The following CHLSN variants were observed in gnomAD, a reference collection of about 807,000 sequenced individuals.
CHLSN encodes cholesin, also known as protein cholesin.
the CHLSN span, among the ~76,000 whole-genome samples, chr7:1,136,983 C>T: frequency 1.3e-5 from 2 of 152,182 alleles, no homozygotes; most frequent in African/African-American, 4.8e-5. Flanking sequence ...CAAGCCACCA[C>T]CTCTCACGAT....
chr7:1,047,154 C>G, the CHLSN span, among the ~76,000 whole-genome samples: 2 of 152,366 alleles, frequency 1.3e-5, no homozygotes, highest in Non-Finnish European at 2.9e-5. Context: ...CAAAAGAATG[C>G]TGTTCCACCT....
chr7:1,055,539 T>G, the CHLSN span: 1 of 434,328 alleles, frequency 2.3e-6, no homozygotes, highest in Non-Finnish European at 4.6e-6. Context: ...CTCTGTGCAG[T>G]ACAGGCAGGA....
the CHLSN span, among the ~76,000 whole-genome samples, chr7:1,018,577 T>G: frequency 6.6e-6 from 1 of 150,864 alleles, no homozygotes; most frequent in South Asian, 2.1e-4. Context: ...CCAGCTGAGG[T>G]GTGCACGCGG....
chr7:986,338 G>C, the CHLSN span: 1 of 492,620 alleles, frequency 2.0e-6, no homozygotes, highest in African/African-American at 2.0e-5. Context: ...GAGGTTCAAG[G>C]TTACTTCCAC....
At chr7:1,014,619 C>G in the CHLSN span, among the ~76,000 whole-genome samples, 1 of 152,272 alleles carries the variant, frequency 6.6e-6, no homozygotes, top group Non-Finnish European at 1.5e-5. Context: ...TTTAAGCCAA[C>G]AGGAAACGTG....
At chr7:1,053,155 C>CG in the CHLSN span, among the ~76,000 whole-genome samples, 24 of 149,412 alleles carry the variant, frequency 1.6e-4, 1 homozygote, top group East Asian at 4.6e-3. Flanking sequence ...AAGGAAGTCT[C>CG]TGGGCACAGA....
chr7:1,041,628 C>T, the CHLSN span, among the ~76,000 whole-genome samples: 2 of 152,206 alleles, frequency 1.3e-5, no homozygotes, highest in African/African-American at 2.4e-5. Context: ...TTATAATCAA[C>T]AGGCCACAAA....
the CHLSN span, chr7:1,045,604 C>G: frequency 6.6e-6 from 1 of 152,198 alleles, no homozygotes; most frequent in Non-Finnish European, 1.5e-5. Context: ...ACTGGGGCAC[C>G]GTTGAGAGTG....
chr7:1,049,631 GC>G, the CHLSN span, among the ~76,000 whole-genome samples: 3 of 152,086 alleles, frequency 2.0e-5, no homozygotes, highest in Non-Finnish European at 2.9e-5. Flanking sequence ...ACTAATCCAG[GC>G]CCCTGCAGAC....
the CHLSN span, among the ~76,000 whole-genome samples, chr7:985,630 G>A: frequency 6.6e-6 from 1 of 152,164 alleles, no homozygotes; most frequent in Non-Finnish European, 1.5e-5. Context: ...ATTGCGGGGG[G>A]CTCCATGTCT....
chr7:1,013,267 G>A, the CHLSN span, among the ~76,000 whole-genome samples: 1 of 152,258 alleles, frequency 6.6e-6, no homozygotes, highest in African/African-American at 2.4e-5. Context: ...AAATAAGAAC[G>A]TGGGTTTAAT....
At chr7:1,092,740 T>C in the CHLSN span, 1 of 1,613,620 alleles carries the variant, frequency 6.2e-7, no homozygotes, top group Non-Finnish European at 8.5e-7. Context: ...GCTGAGGCTG[T>C]ACATTGAGCA....
the CHLSN span, among the ~76,000 whole-genome samples, chr7:1,089,602 T>A: frequency 6.6e-6 from 1 of 152,130 alleles, no homozygotes; most frequent in Non-Finnish European, 1.5e-5. Context: ...TGTCTTTTTT[T>A]AGTAGAGACA....
At chr7:1,054,248 G>C in the CHLSN span, among the ~76,000 whole-genome samples, 1 of 152,250 alleles carries the variant, frequency 6.6e-6, no homozygotes, top group Non-Finnish European at 1.5e-5. Flanking sequence ...AACCGGCGGA[G>C]AGTGAAGGAA....
chr7:997,247 G>A, the CHLSN span: 1 of 178,450 alleles, frequency 5.6e-6, no homozygotes, highest in Non-Finnish European at 1.2e-5. Context: ...CTGGCGGGAG[G>A]AGCCAGCATG....
At chr7:1,117,031 C>T in the CHLSN span, among the ~76,000 whole-genome samples, 3 of 96,702 alleles carry the variant, frequency 3.1e-5, no homozygotes, top group Non-Finnish European at 5.6e-5. Context: ...CACTACAGTT[C>T]TACGGACCGG....
chr7:983,203 C>T, the CHLSN span: 1 of 1,488,752 alleles, frequency 6.7e-7, no homozygotes, highest in East Asian at 2.6e-5. Flanking sequence ...CCTCACCAGC[C>T]ACGTCCTCAT....
the CHLSN span, among the ~76,000 whole-genome samples, chr7:1,115,373 G>A: frequency 2.6e-5 from 4 of 152,232 alleles, no homozygotes; most frequent in Non-Finnish European, 4.4e-5. Context: ...CTCACCGGGC[G>A]CCAGGGGATG....
At chr7:1,031,385 G>A in the CHLSN span, among the ~76,000 whole-genome samples, 1,496 of 144,436 alleles carry the variant, frequency 0.01, 3 homozygotes, top group Middle Eastern at 0.024. Flanking sequence ...GGAGGGCAGA[G>A]TGGTCCGGGG....
Sources: gnomAD v4.1 joint callset for allele counts (sites outside exome capture counted in the v4.1 genomes callset) on GRCh38, gnomAD v4.1.1 for gene constraint, MANE v1.5 for transcripts, NCBI Gene and HGNC (gene_info 2026-07-23, HGNC 2026-07-21) for gene names.